STPG2: variants seen among roughly 807,000 people sequenced by gnomAD.
STPG2 encodes sperm tail PG-rich repeat containing 2, also known as sperm-tail PG-rich repeat-containing protein 2.
Under a neutral mutation model 54.2 loss-of-function variants are expected in STPG2, and 56 were observed. The ratio of observed to expected loss-of-function variants is 1.03; its 90% confidence interval spans 0.83 to 1.29. STPG2 has a LOEUF of 1.29. Among genes scored for constraint, STPG2 ranks in the 50% most tolerant of loss-of-function variants. The pLI is 0.00. For missense variants in STPG2, 596 were observed against 544.9 expected (o/e 1.09, Z -0.93); for synonymous variants, 200 against 181.8 (o/e 1.10, Z -0.81).
At chr4:97,845,511 T>A (rs903910956) in intron 8 of STPG2, among the ~76,000 whole-genome samples, 1 of 152,218 alleles carries the variant, frequency 6.6e-6, no homozygotes, top group Non-Finnish European at 1.5e-5. Flanking sequence ...GCTTTGCATA[T>A]ATGTGGAGCT....
chr4:97,633,405 A>C (rs1430870727), intron 10 of STPG2: 1 of 152,216 alleles, frequency 6.6e-6, no homozygotes, highest in Non-Finnish European at 1.5e-5. Flanking sequence ...TCAATAAAGT[A>C]ATGAAATTTA....
chr4:97,559,461 A>G (rs955067089), intron 10 of STPG2, among the ~76,000 whole-genome samples: 4 of 152,218 alleles, frequency 2.6e-5, no homozygotes, highest in African/African-American at 9.6e-5. Flanking sequence ...AGGCATTCCT[A>G]TCCTAATAGG....
rs1298909802 is a variant in STPG2 at position 98,143,241 on chromosome 4, A to C, written c.-91T>G. 1 of 965,990 alleles carries C rather than the reference A, an allele frequency of 1.0e-6. No individual in the cohort carries two copies. Among genetic ancestry groups the C allele is most frequent in the Non-Finnish European group, 1.6e-6 (1 of 642,744 alleles). The allele number at this position is 965,990 out of a possible 1,614,324, so 59.8% of individuals were successfully genotyped here. On this transcript the variant is annotated 5_prime_UTR_variant, in exon 1 of 11. Coordinates refer to ENST00000295268, the MANE Select transcript of STPG2 (RefSeq NM_174952.3). ...AGAAGTGTGGAGAAAAAGGAAGCCGACACCAGTCTGAGGAGGCCGGGAAAG... is the reference window on the plus strand; with the variant it reads ...AGAAGTGTGGAGAAAAAGGAAGCCGCCACCAGTCTGAGGAGGCCGGGAAAG...
At chr4:97,996,401 G>A (rs774313559) in intron 5 of STPG2, among the ~76,000 whole-genome samples, 17 of 152,102 alleles carry the variant, frequency 1.1e-4, no homozygotes, top group Non-Finnish European at 2.4e-4. Context: ...CACATGCAGA[G>A]GATTGAAACT....
At chr4:97,453,261 G>C (rs368439870) in intron 4 of STPG2, among the ~76,000 whole-genome samples, 41 of 152,226 alleles carry the variant, frequency 2.7e-4, no homozygotes, top group African/African-American at 9.2e-4. Context: ...CTCGCAGAGA[G>C]CTGACATCCA....
intron 4 of STPG2, among the ~76,000 whole-genome samples, chr4:97,531,701 C>T (rs752872849): frequency 6.6e-6 from 1 of 152,040 alleles, no homozygotes; most frequent in Non-Finnish European, 1.5e-5. Context: ...GGTATAGTTA[C>T]CAGAGGCTGG....
intron 8 of STPG2, among the ~76,000 whole-genome samples, chr4:97,899,718 G>A (rs1731102466): frequency 6.6e-6 from 1 of 151,970 alleles, no homozygotes; most frequent in African/African-American, 2.4e-5. Context: ...ACATGCAATG[G>A]GGAAAATAAT....
At chr4:98,052,385 C>T (rs1737350944) in intron 5 of STPG2, among the ~76,000 whole-genome samples, 1 of 151,968 alleles carries the variant, frequency 6.6e-6, no homozygotes, top group African/African-American at 2.4e-5. Context: ...TAGTTTTTTT[C>T]ATTTTAAAAA....
At chr4:97,483,682 C>A (rs1357535703) in intron 4 of STPG2, among the ~76,000 whole-genome samples, 1 of 151,616 alleles carries the variant, frequency 6.6e-6, no homozygotes, top group African/African-American at 2.4e-5. Context: ...ATACAGTCAA[C>A]AAAGAAACAA....
chr4:97,548,679 T>C (rs1265685071), intron 4 of STPG2, among the ~76,000 whole-genome samples: 1 of 152,196 alleles, frequency 6.6e-6, no homozygotes, highest in African/African-American at 2.4e-5. Flanking sequence ...ATTCTTGCTA[T>C]AATAGTAATA....
At chr4:98,085,456 T>A (rs1027640776) in intron 5 of STPG2, among the ~76,000 whole-genome samples, 1 of 152,076 alleles carries the variant, frequency 6.6e-6, no homozygotes, top group Non-Finnish European at 1.5e-5. Flanking sequence ...ACTATTACAT[T>A]GAATCCGTAG....
At chr4:97,579,768 T>A (rs1479880983) in intron 10 of STPG2, among the ~76,000 whole-genome samples, 1 of 152,056 alleles carries the variant, frequency 6.6e-6, no homozygotes, top group African/African-American at 2.4e-5. Context: ...TGATTTTCTC[T>A]CATTTAATCA....
intron 8 of STPG2, among the ~76,000 whole-genome samples, chr4:97,926,542 C>T (rs750442662): frequency 3.3e-5 from 5 of 152,116 alleles, no homozygotes; most frequent in Non-Finnish European, 5.9e-5. Flanking sequence ...AAAGTCATGG[C>T]TCCCCACAAC....
intron 10 of STPG2, among the ~76,000 whole-genome samples, chr4:97,621,098 A>G (rs1377346807): frequency 2.0e-5 from 3 of 152,174 alleles, no homozygotes; most frequent in Admixed American, 2.0e-4. Context: ...TAATGAGAAC[A>G]AAGATACAAC....
chr4:97,793,370 TACACACAC>T (rs3046530), intron 9 of STPG2, among the ~76,000 whole-genome samples: 34 of 147,960 alleles, frequency 2.3e-4, no homozygotes, highest in Admixed American at 4.1e-4. Context: ...GTTTTATATA[TACACACAC>T]ACACACACAC....
rs190644828 is a variant in STPG2 at position 97,717,591 on chromosome 4, T to C, written c.1205-4777A>G. ...TGTTTATCTGTGTACCTCTAATACA[T>C]ACTTATCAAAATGTACATCCATAAG... is the stretch of plus-strand genomic sequence containing the variant. On this transcript the variant is annotated intron_variant, in intron 9 of 10. Coordinates refer to ENST00000295268, the MANE Select transcript of STPG2 (RefSeq NM_174952.3). Among the ~76,000 whole-genome samples, 344 of 152,294 alleles carry C rather than the reference T, an allele frequency of 2.3e-3. 1 individual carries two copies. The highest frequency in any genetic ancestry group is 7.7e-3 in the African/African-American group (322 of 41,578).
chr4:97,869,816 CT>C lies in STPG2; in HGVS notation c.1045-28885del, dbSNP rs374597358. Among the ~76,000 whole-genome samples, 858 of 151,572 alleles carry C rather than the reference CT, an allele frequency of 5.7e-3. 4 individuals carry two copies. The highest frequency in any genetic ancestry group is 0.011 in the Admixed American group (162 of 15,148). On this transcript the variant is annotated intron_variant, in intron 8 of 10. Transcript: ENST00000295268. The stretch of plus-strand genomic sequence containing the variant: ...TTTCAGATAATATAATTTTTAATTT[CT>C]TTTCATATCTAGTCATGGTTTGAGC...
intron 10 of STPG2, among the ~76,000 whole-genome samples, chr4:97,612,687 G>T (rs927931705): frequency 1.3e-5 from 2 of 152,024 alleles, no homozygotes; most frequent in African/African-American, 4.8e-5. Flanking sequence ...CCAGAAAAAG[G>T]ATCAGACAGA....
intron 5 of STPG2, among the ~76,000 whole-genome samples, chr4:98,022,821 G>A (rs868212522): frequency 1.3e-5 from 2 of 152,092 alleles, no homozygotes; most frequent in Non-Finnish European, 2.9e-5. Context: ...GGCTCCTGAG[G>A]CTTCTGCATT....
Sources: gnomAD v4.1 joint callset for allele counts (sites outside exome capture counted in the v4.1 genomes callset) on GRCh38, gnomAD v4.1.1 for gene constraint, MANE v1.5 for transcripts, NCBI Gene and HGNC (gene_info 2026-07-23, HGNC 2026-07-21) for gene names.